The following RXRA variants were observed in gnomAD, a reference collection of about 807,000 sequenced individuals.
RXRA encodes the protein retinoid X receptor alpha.
RXRA carries 5 observed loss-of-function variants against 44.5 expected under a neutral mutation model. That is an observed-to-expected ratio of 0.11 (90% CI 0.06 to 0.24). RXRA has a LOEUF of 0.24. Ranked by LOEUF, RXRA falls within the 10% of genes least tolerant of loss-of-function variation. The pLI, the probability that RXRA is intolerant of heterozygous loss-of-function variation, is 1.00. For synonymous variants in RXRA, 291 were observed against 271.4 expected (o/e 1.07, Z -0.71); for missense variants, 412 against 646.5 (o/e 0.64, Z 3.93).
intron 6 of RXRA, chr9:134,424,596 G>C (rs751140383): frequency 4.1e-5 from 40 of 985,456 alleles, no homozygotes; most frequent in Non-Finnish European, 4.8e-5. Context: ...TGTGTGTTCT[G>C]TCTGCCGGGG....
intron 7 of RXRA, among the ~76,000 whole-genome samples, chr9:134,429,448 G>A (rs1187861735): frequency 2.0e-5 from 3 of 152,244 alleles, no homozygotes; most frequent in South Asian, 2.1e-4. Context: ...ACCACAGGGA[G>A]CACTTGGCCT....
rs916033158 is a variant in RXRA at position 134,365,453 on chromosome 9, G to A, written c.29-36179G>A. 4.6e-5 allele frequency among the ~76,000 whole-genome samples: 7 copies of A among 152,180 alleles called. No homozygotes were observed. The highest frequency in any genetic ancestry group is 1.7e-4 in the African/African-American group (7 of 41,444). ...TCCTGGTGTGAGACCCGGTGTTCTT[G>A]GCTGATGTGTGGGTTTGCTCATGGG... On this transcript the variant is annotated intron_variant, in intron 1 of 9. Coordinates refer to ENST00000481739, the MANE Select transcript of RXRA (RefSeq NM_002957.6). This position sits in a 1 kb window ranked among gnomAD's most constrained non-coding sequence, Gnocchi z 4.0.
chr9:134,337,969 C>T (rs893739809), intron 1 of RXRA, among the ~76,000 whole-genome samples: 1 of 152,218 alleles, frequency 6.6e-6, no homozygotes, highest in Admixed American at 6.5e-5. Context: ...GCCCCCAGTG[C>T]TCACGGAGGG....
chr9:134,350,976 A>AG lies in RXRA; in HGVS notation c.28+24324dup, dbSNP rs1202872145. Among the ~76,000 whole-genome samples the AG allele has an allele frequency of 5.3e-5, 8 of 152,248 alleles. No homozygotes were observed. In the South Asian group the frequency reaches 1.5e-3, roughly 28 times the overall value. ...CCACAAGAGGCCCTGTGCCTCAGCA[A>AG]GGGGGGGCTGAGCATCCCTCACCTG... On this transcript the variant is annotated intron_variant, in intron 1 of 9. Transcript: ENST00000481739.
chr9:134,333,910 T>C (rs1362250792), intron 1 of RXRA, among the ~76,000 whole-genome samples: 1 of 152,190 alleles, frequency 6.6e-6, no homozygotes, highest in Admixed American at 6.5e-5. Context: ...TCTCCACCTG[T>C]GCAGGCTCAG....
At position 134,343,776 on chromosome 9, in the gene RXRA, C is replaced by T. The variant is rs1176110578; in HGVS notation, c.28+17117C>T. Among the ~76,000 whole-genome samples, 1 of 152,084 alleles carries T rather than the reference C, an allele frequency of 6.6e-6. No individual in the cohort carries two copies. The highest frequency in any genetic ancestry group is 1.5e-5 in the Non-Finnish European group (1 of 68,016). On this transcript the variant is annotated intron_variant, in intron 1 of 9. Transcript: ENST00000481739. The surrounding 1 kb of genome is among the most constrained non-coding windows in gnomAD (Gnocchi z 4.1). ...CGGGCGCGGCACTGAGCTGAGGGAG[C>T]CTGCGTTCTTCCTTCAAGCAGAGGA...
chr9:134,387,874 C>T (rs1485368596), intron 1 of RXRA, among the ~76,000 whole-genome samples: 1 of 152,200 alleles, frequency 6.6e-6, no homozygotes, highest in Non-Finnish European at 1.5e-5. Context: ...GGCCCGTTCC[C>T]AGCCTGACTC....
At chr9:134,357,258 C>T (rs1188729224) in intron 1 of RXRA, among the ~76,000 whole-genome samples, 1 of 152,144 alleles carries the variant, frequency 6.6e-6, no homozygotes, top group Non-Finnish European at 1.5e-5. Context: ...TTCTCCAGAG[C>T]CCGGAGCAGA....
chr9:134,339,993 G>A (rs1488003649), intron 1 of RXRA, among the ~76,000 whole-genome samples: 2 of 152,124 alleles, frequency 1.3e-5, no homozygotes, highest in African/African-American at 4.8e-5. Context: ...GTGTTCCTCT[G>A]TGCACATCTG....
intron 1 of RXRA, among the ~76,000 whole-genome samples, chr9:134,394,509 G>A (rs1000503593): frequency 3.3e-5 from 5 of 152,110 alleles, no homozygotes; most frequent in Admixed American, 6.6e-5. Flanking sequence ...AGGTGTGTGG[G>A]TCACTCTTCC....
At position 134,342,760 on chromosome 9, in the gene RXRA, G is replaced by A. The variant is rs782785669; in HGVS notation, c.28+16101G>A. On this transcript the variant is annotated intron_variant, in intron 1 of 9. Coordinates refer to ENST00000481739, the MANE Select transcript of RXRA (RefSeq NM_002957.6). The surrounding 1 kb of genome is among the most constrained non-coding windows in gnomAD (Gnocchi z 4.4). ...GGGGAACCTGGCCCCATAGGAGAGTGGACAGCGCCGCGGAGGAGGCTGCCT... is the reference window on the plus strand; with the variant it reads ...GGGGAACCTGGCCCCATAGGAGAGTAGACAGCGCCGCGGAGGAGGCTGCCT... Among the ~76,000 whole-genome samples, 41 of 152,128 alleles carry A rather than the reference G, an allele frequency of 2.7e-4. No homozygotes were observed. Among genetic ancestry groups the A allele is most frequent in the Non-Finnish European group, 4.7e-4 (32 of 68,010 alleles).
intron 7 of RXRA, 101 bp from the exon 8 acceptor site, chr9:134,431,804 G>A (rs547815080): frequency 1.7e-5 from 15 of 884,300 alleles, no homozygotes; most frequent in Middle Eastern, 3.6e-4. Context: ...AGCGGCCCTC[G>A]GGCCACGCCG....
intron 8 of RXRA, among the ~76,000 whole-genome samples, chr9:134,432,973 A>AG (rs1027802997): frequency 2.6e-5 from 4 of 151,698 alleles, no homozygotes; most frequent in African/African-American, 9.7e-5. Context: ...ATTGCGTGAT[A>AG]GGGGCAGGTG....
At chr9:134,413,803 C>G (rs921015692) in intron 4 of RXRA, among the ~76,000 whole-genome samples, 7 of 152,158 alleles carry the variant, frequency 4.6e-5, no homozygotes, top group African/African-American at 1.7e-4. Context: ...GAGTCCTAGG[C>G]CAGCTTGTCT....
chr9:134,424,407 C>T (rs1194544145), intron 6 of RXRA: 1 of 985,336 alleles, frequency 1.0e-6, no homozygotes, highest in Admixed American at 6.1e-5. Flanking sequence ...TGACCTCCCC[C>T]TGGGCGCCCA....
chr9:134,393,168 C>T (rs1400773781), intron 1 of RXRA, among the ~76,000 whole-genome samples: 4 of 152,138 alleles, frequency 2.6e-5, no homozygotes, highest in Non-Finnish European at 4.4e-5. Context: ...GGGGTGCAGC[C>T]GGCTCTGCCG....
intron 6 of RXRA, chr9:134,422,376 T>TC (rs1211020218): frequency 8.5e-7 from 1 of 1,178,680 alleles, no homozygotes; most frequent in Non-Finnish European, 1.1e-6. Context: ...ACCGGGACAC[T>TC]CCCCCCTCCC....
chr9:134,331,399 C>T (rs1384281284), intron 1 of RXRA, among the ~76,000 whole-genome samples: 2 of 152,144 alleles, frequency 1.3e-5, no homozygotes, highest in Admixed American at 6.5e-5. Context: ...GGGTGCGGAC[C>T]GCGTGCAGGG....
At chr9:134,357,992 A>T (rs1830303192) in intron 1 of RXRA, among the ~76,000 whole-genome samples, 2 of 152,114 alleles carry the variant, frequency 1.3e-5, no homozygotes. Flanking sequence ...CCCACAGAAC[A>T]CGGGGACATG....
Sources: gnomAD v4.1 joint callset for allele counts (sites outside exome capture counted in the v4.1 genomes callset) on GRCh38, gnomAD v4.1.1 for gene constraint, Gnocchi (gnomAD v3.1) non-coding constraint, MANE v1.5 for transcripts, NCBI Gene and HGNC (gene_info 2026-07-23, HGNC 2026-07-21) for gene names.